The following BACE2 variants were observed in gnomAD, a reference collection of about 807,000 sequenced individuals.
The protein encoded by BACE2 is 56 kDa aspartic-like protease.
BACE2 carries 17 observed loss-of-function variants against 46.2 expected under a neutral mutation model. That is an observed-to-expected ratio of 0.37 (90% CI 0.25 to 0.55). The LOEUF (loss-of-function observed/expected upper bound fraction) is 0.55. Ranked by LOEUF, BACE2 falls within the 20% of genes least tolerant of loss-of-function variation. The probability of loss-of-function intolerance (pLI) is 0.82; values close to 1 mark genes in which losing one functional copy is unlikely to be tolerated. For synonymous variants in BACE2, 277 were observed against 295.9 expected, an observed-to-expected ratio of 0.94 and a Z score of 0.66; for missense variants, 595 against 698.1, an observed-to-expected ratio of 0.85 and a Z score of 1.66.
At chr21:41,187,413 A>G (rs1322598083) in intron 1 of BACE2, among the ~76,000 whole-genome samples, 1 of 152,216 alleles carries the variant, frequency 6.6e-6, no homozygotes, top group Non-Finnish European at 1.5e-5. Flanking sequence ...GTGTGCCTAG[A>G]ACAACCACTG....
intron 8 of BACE2, among the ~76,000 whole-genome samples, chr21:41,267,163 G>A (rs2088386362): frequency 6.6e-6 from 1 of 152,080 alleles, no homozygotes; most frequent in South Asian, 2.1e-4. Context: ...AAGGTGATGG[G>A]TATTTTGGAA....
chr21:41,258,209 GA>G (rs1419979138), intron 8 of BACE2, among the ~76,000 whole-genome samples: 1 of 152,190 alleles, frequency 6.6e-6, no homozygotes. Flanking sequence ...TTGTGCTGGT[GA>G]TATGTGAAAG....
At chr21:41,220,143 C>T (rs73902958) in intron 1 of BACE2, among the ~76,000 whole-genome samples, 4,720 of 150,920 alleles carry the variant, frequency 0.031, 229 homozygotes, top group African/African-American at 0.11. Context: ...TTATAAAGGG[C>T]GTTACAGAAG....
rs960460970 is a variant in BACE2, at chr21:41,242,890, GTTTTA to G, written c.748-467_748-463del. Among the ~76,000 whole-genome samples, 5 of 152,054 alleles carry G rather than the reference GTTTTA, an allele frequency of 3.3e-5. No individual in the cohort carries two copies. In the East Asian group the frequency reaches 5.8e-4, roughly 18 times the overall value. On this transcript the variant is annotated intron_variant, in intron 4 of 8. Coordinates refer to ENST00000330333, the MANE Select transcript of BACE2 (RefSeq NM_012105.5). Reference sequence around the variant, plus strand: ...CAGACGTGGACCCATAAAATTCCTTGTTTTATTTTATTTTATTTTATTTCATTTAT... The same window carrying G: ...CAGACGTGGACCCATAAAATTCCTTGTTTTATTTTATTTTATTTCATTTAT...
intron 8 of BACE2, among the ~76,000 whole-genome samples, chr21:41,258,897 G>T (rs933808807): frequency 3.9e-5 from 6 of 152,192 alleles, no homozygotes; most frequent in African/African-American, 1.4e-4. Context: ...AGCCTGTTCA[G>T]TTATCATTGA....
chr21:41,253,397 G>A (rs1028254527), intron 7 of BACE2, among the ~76,000 whole-genome samples: 3 of 149,152 alleles, frequency 2.0e-5, no homozygotes, highest in Non-Finnish European at 4.4e-5. Context: ...AGCTGAGATC[G>A]TGGCACTGCA....
chr21:41,230,529 C>T (rs1986940492), intron 2 of BACE2, among the ~76,000 whole-genome samples: 1 of 152,208 alleles, frequency 6.6e-6, no homozygotes, highest in Non-Finnish European at 1.5e-5. Context: ...TTCTGAGCTG[C>T]AGCTCTCTGC....
chr21:41,251,811 A>G (rs1987648998), intron 7 of BACE2, among the ~76,000 whole-genome samples: 1 of 152,098 alleles, frequency 6.6e-6, no homozygotes, highest in African/African-American at 2.4e-5. Flanking sequence ...GAAAAAAAAC[A>G]AAAAACAAAA....
At chr21:41,175,084 A>G (rs1430304386) in intron 1 of BACE2, 10 of 152,160 alleles carry the variant, frequency 6.6e-5, no homozygotes, top group African/African-American at 2.2e-4. Context: ...TTGCTACTCA[A>G]TACAAAAAAA....
intron 1 of BACE2, among the ~76,000 whole-genome samples, chr21:41,198,366 C>A (rs984690747): frequency 7.9e-5 from 12 of 152,272 alleles, no homozygotes; most frequent in African/African-American, 2.9e-4. Flanking sequence ...AATTCTGAAG[C>A]CTTGCGGGGA....
intron 8 of BACE2, among the ~76,000 whole-genome samples, chr21:41,272,912 C>A (rs968669718): frequency 1.3e-5 from 2 of 152,114 alleles, no homozygotes; most frequent in African/African-American, 2.4e-5. Context: ...CCCGATAATT[C>A]AACATTATTT....
intron 1 of BACE2, chr21:41,181,220 G>C (rs1048824115): frequency 2.4e-5 from 4 of 167,056 alleles, no homozygotes; most frequent in African/African-American, 7.2e-5. Flanking sequence ...TAGGGAGTTG[G>C]AGTGGTTACA....
At chr21:41,207,614 C>T (rs917652670) in intron 1 of BACE2, among the ~76,000 whole-genome samples, 1 of 152,036 alleles carries the variant, frequency 6.6e-6, no homozygotes. Flanking sequence ...CTCTCTCTGC[C>T]TCCCCAACCC....
chr21:41,251,861 C>T (rs1245737209), intron 7 of BACE2, among the ~76,000 whole-genome samples: 1 of 151,986 alleles, frequency 6.6e-6, no homozygotes, highest in Non-Finnish European at 1.5e-5. Context: ...CTAGATTGCC[C>T]AAGGTGAAGA....
chr21:41,224,208 G>GCTTTTTT (rs1986739527), intron 1 of BACE2, among the ~76,000 whole-genome samples: 1 of 102,838 alleles, frequency 9.7e-6, no homozygotes, highest in Non-Finnish European at 1.9e-5. Context: ...TGCCTATTTT[G>GCTTTTTT]ATTTTTTTTT....
intron 1 of BACE2, chr21:41,177,297 C>T (rs1363888940): frequency 6.6e-6 from 1 of 152,242 alleles, no homozygotes; most frequent in African/African-American, 2.4e-5. Flanking sequence ...AGGTGGGACA[C>T]CATCAAGACA....
At chr21:41,263,008 T>C (rs1438576798) in intron 8 of BACE2, among the ~76,000 whole-genome samples, 1 of 151,318 alleles carries the variant, frequency 6.6e-6, no homozygotes, top group Non-Finnish European at 1.5e-5. Context: ...TCTGAGACAA[T>C]ATTGAATACA....
rs528724108 is a variant in BACE2 at position 41,221,784 on chromosome 21, A to T, written c.313-4482A>T. 2.0e-3 allele frequency among the ~76,000 whole-genome samples: 305 copies of T among 148,946 alleles called. 1 individual carries two copies. The Middle Eastern group carries it at 0.021, about 10-fold the overall frequency. ...AGGAGCTTGCAGTGAGCTGAGATAG[A>T]GCCACTGCACTCCAGCCTGGGTGAC... On this transcript the variant is annotated intron_variant, in intron 1 of 8. Transcript: ENST00000330333.
chr21:41,195,654 G>T (rs961655512), intron 1 of BACE2, among the ~76,000 whole-genome samples: 2 of 152,174 alleles, frequency 1.3e-5, no homozygotes, highest in Non-Finnish European at 2.9e-5. Context: ...TGGGGAAACA[G>T]CAGTAAATCC....
Sources: allele counts gnomAD v4.1 joint callset (sites outside exome capture counted in the v4.1 genomes callset), GRCh38; gene constraint gnomAD v4.1.1; transcripts MANE v1.5; gene names NCBI Gene and HGNC (gene_info 2026-07-23, HGNC 2026-07-21).